Variants in NEK10 observed in about 807,000 individuals in gnomAD.
NEK10 encodes NIMA related kinase 10, also known as serine/threonine-protein kinase Nek10.
A neutral mutation model predicts 159.8 loss-of-function variants in NEK10; 122 were observed. The observed-to-expected ratio is 0.76, with a 90% CI of 0.66 to 0.89. The LOEUF (loss-of-function observed/expected upper bound fraction) is 0.89, where lower values mean the gene tolerates loss of function less well. Among genes scored for constraint, NEK10 ranks in the 40% least tolerant of loss-of-function variants. The pLI, the probability that NEK10 is intolerant of heterozygous loss-of-function variation, is 0.00. For missense variants in NEK10, 1,342 were observed against 1,323.1 expected (o/e 1.01, Z -0.22); for synonymous variants, 466 against 457.1 (o/e 1.02, Z -0.25).
At chr3:27,252,852 GC>G in intron 23 of NEK10, 1 of 501,804 alleles carries the variant, frequency 2.0e-6, no homozygotes, top group Non-Finnish European at 4.0e-6. Context: ...CTTGGCAGAG[GC>G]CAGAGAATGC....
chr3:27,251,766 T>C (rs1016664201), intron 23 of NEK10, among the ~76,000 whole-genome samples: 2 of 152,216 alleles, frequency 1.3e-5, no homozygotes, highest in Admixed American at 6.5e-5. Flanking sequence ...GAATACATAT[T>C]TCTGTAATAT....
At chr3:27,271,832 AT>A (rs1309020207) in intron 22 of NEK10, among the ~76,000 whole-genome samples, 2 of 151,226 alleles carry the variant, frequency 1.3e-5, no homozygotes, top group African/African-American at 4.8e-5. Flanking sequence ...AATAGAAAAC[AT>A]TTTGCATACA....
intron 22 of NEK10, among the ~76,000 whole-genome samples, chr3:27,270,019 A>T (rs941893694): frequency 6.6e-6 from 1 of 152,230 alleles, no homozygotes; most frequent in Non-Finnish European, 1.5e-5. Context: ...GTTCTTTAAC[A>T]TTCCTCCCTT....
intron 5 of NEK10, 99 bp from the exon 6 acceptor site, chr3:27,322,360 G>A: frequency 1.4e-6 from 1 of 706,216 alleles, no homozygotes; most frequent in Admixed American, 2.5e-5. Flanking sequence ...AACGCACTAA[G>A]CACTTAGTTA....
chr3:27,244,310 TC>T (rs1954847646), intron 23 of NEK10, among the ~76,000 whole-genome samples: 1 of 152,208 alleles, frequency 6.6e-6, no homozygotes, highest in South Asian at 2.1e-4. Context: ...GCATTGAACA[TC>T]CCCTAGCAGG....
chr3:27,257,761 T>C (rs555540936), intron 22 of NEK10, among the ~76,000 whole-genome samples: 3 of 151,444 alleles, frequency 2.0e-5, no homozygotes, highest in Admixed American at 6.6e-5. Flanking sequence ...AGTTATTTTA[T>C]CTTGTTTTCC....
intron 22 of NEK10, among the ~76,000 whole-genome samples, chr3:27,278,483 A>G (rs2041923684): frequency 6.6e-6 from 1 of 152,186 alleles, no homozygotes; most frequent in Admixed American, 6.5e-5. Flanking sequence ...ACATTTGAAG[A>G]GCCTTGGAGC....
At chr3:27,187,508 A>G (rs1948729887) in intron 26 of NEK10, among the ~76,000 whole-genome samples, 1 of 152,214 alleles carries the variant, frequency 6.6e-6, no homozygotes, top group African/African-American at 2.4e-5. Context: ...ATGGAAACCA[A>G]GGGAAGCGTA....
chr3:27,136,974 C>G (rs1943282020), intron 31 of NEK10, among the ~76,000 whole-genome samples: 1 of 152,146 alleles, frequency 6.6e-6, no homozygotes, highest in Non-Finnish European at 1.5e-5. Flanking sequence ...TTTTCCAATT[C>G]ATTCTTACTT....
intron 5 of NEK10, among the ~76,000 whole-genome samples, chr3:27,332,602 C>G (rs535913531): frequency 6.6e-6 from 1 of 152,266 alleles, no homozygotes; most frequent in South Asian, 2.1e-4. Flanking sequence ...AAGTTTGTTT[C>G]ACAAATACAT....
intron 32 of NEK10, among the ~76,000 whole-genome samples, chr3:27,127,282 A>T (rs1303768991): frequency 6.6e-6 from 1 of 152,100 alleles, no homozygotes; most frequent in Non-Finnish European, 1.5e-5. Context: ...AAAAAACAAA[A>T]CCACAATATA....
At chr3:27,134,355 C>T (rs75488228) in intron 31 of NEK10, among the ~76,000 whole-genome samples, 1 of 152,204 alleles carries the variant, frequency 6.6e-6, no homozygotes, top group African/African-American at 2.4e-5. Context: ...TGCCACTTCC[C>T]CAAACCAAAC....
At chr3:27,269,856 C>G (rs1244250800) in intron 22 of NEK10, among the ~76,000 whole-genome samples, 1 of 152,172 alleles carries the variant, frequency 6.6e-6, no homozygotes. Context: ...CTCGGTTGTT[C>G]CTGTCTCATG....
chr3:27,129,185 G>A (rs1942325726), intron 32 of NEK10, among the ~76,000 whole-genome samples: 1 of 152,092 alleles, frequency 6.6e-6, no homozygotes, highest in African/African-American at 2.4e-5. Flanking sequence ...ACTAACTTAG[G>A]TGAGGTATAA....
At chr3:27,291,738 G>A (rs958752023) in intron 16 of NEK10, among the ~76,000 whole-genome samples, 152 bp from the exon 17 acceptor site, 12 of 152,104 alleles carry the variant, frequency 7.9e-5, no homozygotes, top group African/African-American at 2.7e-4. Flanking sequence ...TGCCTCCCAC[G>A]TTCACGCCAT....
chr3:27,117,874 C>T (rs375616907), intron 33 of NEK10, among the ~76,000 whole-genome samples: 34 of 152,154 alleles, frequency 2.2e-4, no homozygotes, highest in African/African-American at 8.2e-4. Context: ...TTGGCATTTT[C>T]GTCATGAAAT....
intron 13 of NEK10, among the ~76,000 whole-genome samples, chr3:27,298,049 A>T (rs533616307): frequency 6.6e-6 from 1 of 152,210 alleles, no homozygotes; most frequent in Non-Finnish European, 1.5e-5. Context: ...AACTTTCCCA[A>T]GGCCATATAG....
intron 22 of NEK10, among the ~76,000 whole-genome samples, chr3:27,277,210 G>T (rs796266702): frequency 4.0e-5 from 6 of 151,560 alleles, no homozygotes; most frequent in African/African-American, 1.5e-4. Context: ...AAGTCAATCT[G>T]CTGGGGATAC....
At chr3:27,235,602 C>CA (rs1953822816) in intron 23 of NEK10, among the ~76,000 whole-genome samples, 1 of 152,006 alleles carries the variant, frequency 6.6e-6, no homozygotes, top group Non-Finnish European at 1.5e-5. Context: ...ACTAAGAAGT[C>CA]AAAAAATAAC....
Sources: gnomAD v4.1 joint callset for allele counts (sites outside exome capture counted in the v4.1 genomes callset) on GRCh38, gnomAD v4.1.1 for gene constraint, MANE v1.5 for transcripts, NCBI Gene and HGNC (gene_info 2026-07-23, HGNC 2026-07-21) for gene names.